The following C12orf42 variants were observed in gnomAD, a reference collection of about 807,000 sequenced individuals.
The protein encoded by C12orf42 is chromosome 12 open reading frame 42, also known as uncharacterized protein C12orf42.
A neutral mutation model predicts 21.6 loss-of-function variants in C12orf42; 25 were observed. That is an observed-to-expected ratio of 1.16 (90% CI 0.84 to 1.62). C12orf42 has a LOEUF of 1.62. Ranked by LOEUF, C12orf42 falls within the 40% of genes most tolerant of loss-of-function variation. C12orf42 has a pLI of 0.00. For missense variants in C12orf42, 483 were observed against 459.3 expected, an observed-to-expected ratio of 1.05 and a Z score of -0.47; for synonymous variants, 174 against 175.0, an observed-to-expected ratio of 0.99 and a Z score of 0.05.
chr12:103,480,990 A>C (rs1954428659), intron 1 of C12orf42, among the ~76,000 whole-genome samples: 1 of 151,636 alleles, frequency 6.6e-6, no homozygotes, highest in Non-Finnish European at 1.5e-5. Context: ...AAAATCTCCC[A>C]CTAATGTATT....
At chr12:103,246,132 A>G (rs1190740349) in intron 10 of C12orf42, among the ~76,000 whole-genome samples, 1 of 152,160 alleles carries the variant, frequency 6.6e-6, no homozygotes, top group Non-Finnish European at 1.5e-5. Flanking sequence ...AAAGTTGCCA[A>G]TTTGGTTCCA....
chr12:103,477,542 C>T (rs1013420404), intron 2 of C12orf42, among the ~76,000 whole-genome samples: 3 of 151,950 alleles, frequency 2.0e-5, no homozygotes, highest in African/African-American at 7.3e-5. Context: ...GGAGATGATC[C>T]TGGATTATCC....
At chr12:103,386,018 C>T (rs75159864) in intron 3 of C12orf42, among the ~76,000 whole-genome samples, 1 of 152,328 alleles carries the variant, frequency 6.6e-6, no homozygotes, top group East Asian at 1.9e-4. Flanking sequence ...GCTAGCATGC[C>T]TGGCAGCACG....
chr12:103,069,381 C>A, the C12orf42 span, among the ~76,000 whole-genome samples: 13 of 152,026 alleles, frequency 8.6e-5, no homozygotes, highest in Admixed American at 6.6e-5. Context: ...TTATCATGAC[C>A]CAAATATGCA....
chr12:103,313,869 T>C (rs1302486052), intron 4 of C12orf42, among the ~76,000 whole-genome samples: 1 of 152,206 alleles, frequency 6.6e-6, no homozygotes, highest in African/African-American at 2.4e-5. Context: ...CCTTGTCCTG[T>C]GCTTGACCCT....
At chr12:103,329,670 C>A (rs1204808299) in intron 4 of C12orf42, among the ~76,000 whole-genome samples, 1 of 144,478 alleles carries the variant, frequency 6.9e-6, no homozygotes, top group African/African-American at 2.5e-5. Flanking sequence ...CTGCTCTTTA[C>A]AAAACACAAA....
intron 2 of C12orf42, among the ~76,000 whole-genome samples, chr12:103,447,260 T>C (rs1301048878): frequency 1.3e-5 from 2 of 151,846 alleles, no homozygotes; most frequent in Non-Finnish European, 2.9e-5. Flanking sequence ...TCCTGAATGA[T>C]CACTGGGTCA....
At chr12:103,299,118 T>G (rs1164246282), downstream of C12orf42, among the ~76,000 whole-genome samples, 1 of 152,148 alleles carries the variant, frequency 6.6e-6, no homozygotes, top group Non-Finnish European at 1.5e-5. Context: ...GCATATATAC[T>G]AGCTTTCATA....
At chr12:103,266,451 T>C (rs937905140), downstream of C12orf42, among the ~76,000 whole-genome samples, 36 of 152,146 alleles carry the variant, frequency 2.4e-4, no homozygotes, top group African/African-American at 8.4e-4. Flanking sequence ...TTTGATCTGA[T>C]CAGTCCCCTT....
the C12orf42 span, among the ~76,000 whole-genome samples, chr12:103,534,235 TAG>T: frequency 6.6e-6 from 1 of 152,300 alleles, no homozygotes; most frequent in African/African-American, 2.4e-5. Flanking sequence ...TGTGTAGAGG[TAG>T]AGTTAAACTC....
the C12orf42 span, among the ~76,000 whole-genome samples, chr12:103,102,344 T>C: frequency 2.0e-5 from 3 of 152,214 alleles, no homozygotes; most frequent in Non-Finnish European, 4.4e-5. Context: ...ACTAAGTTCA[T>C]GTCTACCTTC....
At chr12:103,344,148 T>C (rs2042410039) in intron 4 of C12orf42, among the ~76,000 whole-genome samples, 1 of 152,226 alleles carries the variant, frequency 6.6e-6, no homozygotes, top group Non-Finnish European at 1.5e-5. Flanking sequence ...TCATTTTAGC[T>C]GTTTTCATTG....
intron 3 of C12orf42, among the ~76,000 whole-genome samples, chr12:103,380,363 T>C (rs1473751307): frequency 6.6e-6 from 1 of 152,184 alleles, no homozygotes; most frequent in Non-Finnish European, 1.5e-5. Context: ...AGATTTTTTT[T>C]TTGTAAACTG....
At chr12:103,342,847 G>A (rs551448896) in intron 4 of C12orf42, among the ~76,000 whole-genome samples, 1 of 152,204 alleles carries the variant, frequency 6.6e-6, no homozygotes, top group South Asian at 2.1e-4. Flanking sequence ...GCTCTTCCCA[G>A]ATGTCAGAAA....
At chr12:103,101,045 T>A in the C12orf42 span, among the ~76,000 whole-genome samples, 1 of 152,178 alleles carries the variant, frequency 6.6e-6, no homozygotes, top group Admixed American at 6.5e-5. Flanking sequence ...TGTTGGGTAA[T>A]CTTGAGCATC....
At chr12:103,231,442 T>G in the C12orf42 span, among the ~76,000 whole-genome samples, 1 of 152,198 alleles carries the variant, frequency 6.6e-6, no homozygotes, top group Admixed American at 6.5e-5. Flanking sequence ...CCTTAAGAAT[T>G]CATGTGTTCT....
In C12orf42 at chr12:103,290,914, T is replaced by A. The variant is rs540262412; in HGVS notation, n.338-13704A>T. ...GAGGGGGGTGAGGGATGAAATACTA[T>A]CTATTGAGTTCAATGTACACTACTC... On this transcript the variant is annotated intron_variant and non_coding_transcript_variant, in intron 4 of 6. Coordinates refer to the C12orf42 transcript ENST00000546526. Among the ~76,000 whole-genome samples, 5 of 152,186 alleles carry A rather than the reference T, an allele frequency of 3.3e-5. No homozygotes were observed. The South Asian group carries it at 1.0e-3, about 32-fold the overall frequency.
intron 2 of C12orf42, among the ~76,000 whole-genome samples, chr12:103,414,218 C>T (rs1593895862): frequency 6.6e-6 from 1 of 152,058 alleles, no homozygotes; most frequent in South Asian, 2.1e-4. Context: ...TTTTGATTTG[C>T]ATTTCCCTGT....
At chr12:103,412,539 G>A (rs1402931345) in intron 2 of C12orf42, among the ~76,000 whole-genome samples, 1 of 152,098 alleles carries the variant, frequency 6.6e-6, no homozygotes, top group East Asian at 1.9e-4. Context: ...CATGGTGGTG[G>A]GCACCTCTAA....
Sources: gnomAD v4.1 joint callset for allele counts (sites outside exome capture counted in the v4.1 genomes callset) on GRCh38, gnomAD v4.1.1 for gene constraint, MANE v1.5 for transcripts, NCBI Gene and HGNC (gene_info 2026-07-23, HGNC 2026-07-21) for gene names.